Variants in C2orf78 observed in about 807,000 individuals in gnomAD.
The protein encoded by C2orf78 is uncharacterized protein C2orf78.
Under a neutral mutation model 21.4 loss-of-function variants are expected in C2orf78, and 12 were observed. The ratio of observed to expected loss-of-function variants is 0.56; its 90% confidence interval spans 0.36 to 0.91. The LOEUF (loss-of-function observed/expected upper bound fraction) is 0.91. C2orf78 is among the 40% of genes least tolerant of loss of function. The probability of loss-of-function intolerance (pLI) is 0.01; values close to 1 mark genes in which losing one functional copy is unlikely to be tolerated. For synonymous variants in C2orf78, 396 were observed against 413.9 expected (o/e 0.96, Z 0.52); for missense variants, 1,042 against 1,092.4 (o/e 0.95, Z 0.65).
chr2:73,810,949 T>C (rs1425275510), intron 1 of C2orf78, among the ~76,000 whole-genome samples: 2 of 143,326 alleles, frequency 1.4e-5, no homozygotes, highest in South Asian at 2.1e-4. Flanking sequence ...GTATGTTATA[T>C]ATAATATACA....
At chr2:73,816,274 C>A (rs756767934) in exon 3 of C2orf78, 1 of 1,613,806 alleles carries the variant, frequency 6.2e-7, no homozygotes, top group South Asian at 1.1e-5. Context: ...GGTAAAGGCC[C>A]GGAGAAAATT....
chr2:73,810,075 G>A (rs1370713231), intron 1 of C2orf78, among the ~76,000 whole-genome samples: 12 of 152,102 alleles, frequency 7.9e-5, no homozygotes, highest in Admixed American at 7.9e-4. Context: ...AATGAAGTTG[G>A]TTTTAGCAAA....
At chr2:73,814,367 T>A in intron 2 of C2orf78, 141 bp downstream of exon 2, 2 of 925,496 alleles carry the variant, frequency 2.2e-6, no homozygotes, top group Non-Finnish European at 3.2e-6. Context: ...GTGCTCTCCA[T>A]TTTCAGACTC....
rs1030342373 is a variant in C2orf78 at position 73,814,102 on chromosome 2, C to T, written c.723C>T (p.Ala241=). 3.7e-6 allele frequency: 6 copies of T among 1,612,908 alleles called. No individual in the cohort carries two copies. In the East Asian group the frequency reaches 6.7e-5, roughly 18 times the overall value. Residue 241 remains alanine, a synonymous_variant, in exon 2 of 3, where the codon GCC becomes GCT. Coordinates refer to ENST00000409561, the Ensembl canonical transcript of C2orf78. ...CATACACAGGATATAGGGCTTCTGC[C>T]CATCAACCAGAAATGGTGATGGTGC...
exon 3 of C2orf78, chr2:73,816,506 A>G (rs369643067): frequency 1.8e-5 from 29 of 1,613,810 alleles, no homozygotes; most frequent in East Asian, 1.1e-4. Context: ...ACTCAGCTCA[A>G]TCGAATGCAG....
chr2:73,814,248 G>A (rs1673148885), intron 2 of C2orf78, 22 bp downstream of exon 2: 2 of 1,535,660 alleles, frequency 1.3e-6, no homozygotes, highest in South Asian at 1.3e-5. Context: ...CATCAAGAAA[G>A]GAGAGGAATA....
rs1352106329 is a variant in C2orf78, at chr2:73,817,088, A to T, written c.*96A>T. On this transcript the variant is annotated 3_prime_UTR_variant, in exon 3 of 3. Transcript: ENST00000409561. ...TATTCTGATATATTTTTAAAACATAATAAAGAAATGTAATAGAATTGATTA... is the reference window on the plus strand; with the variant it reads ...TATTCTGATATATTTTTAAAACATATTAAAGAAATGTAATAGAATTGATTA... 16 of 1,314,040 alleles carry T rather than the reference A, an allele frequency of 1.2e-5. No individual in the cohort carries two copies. In the South Asian group the frequency reaches 3.0e-4, roughly 24 times the overall value. The allele number at this position is 1,314,040 out of a possible 1,614,324, so 81.4% of individuals were successfully genotyped here.
In C2orf78 at chr2:73,815,068, T is replaced by C. The variant is rs553660442; in HGVS notation, c.848-3T>C. 1.5e-4 allele frequency: 249 copies of C among 1,606,450 alleles called. No homozygotes were observed. The South Asian group carries it at 2.5e-3, about 16-fold the overall frequency. On this transcript the variant is annotated splice_region_variant and splice_polypyrimidine_tract_variant and intron_variant, in intron 2 of 2. Coordinates refer to ENST00000409561, the Ensembl canonical transcript of C2orf78. ...ACTGACTTCTTCCTTGATTCCTTTG[T>C]AGTGATGGAAACTTCCCTGGGGATG... is the stretch of plus-strand genomic sequence containing the variant.
chr2:73,807,903 C>G (rs192395974), intron 1 of C2orf78, among the ~76,000 whole-genome samples: 30 of 150,394 alleles, frequency 2.0e-4, no homozygotes, highest in Admixed American at 1.2e-3. Context: ...GGGCAATCAA[C>G]AAACTTTGCT....
At chr2:73,812,302 T>C (rs1478871859) in intron 1 of C2orf78, among the ~76,000 whole-genome samples, 2 of 152,230 alleles carry the variant, frequency 1.3e-5, no homozygotes, top group Non-Finnish European at 2.9e-5. Flanking sequence ...TTTTCATTAA[T>C]ATCTATATAT....
intron 1 of C2orf78, among the ~76,000 whole-genome samples, chr2:73,810,546 T>C (rs1456057105): frequency 1.4e-5 from 2 of 141,878 alleles, no homozygotes; most frequent in African/African-American, 2.6e-5. Flanking sequence ...AATATATATA[T>C]ATATATACAT....
intron 2 of C2orf78, among the ~76,000 whole-genome samples, 179 bp from the exon 3 acceptor site, chr2:73,814,892 G>T (rs1397314860): frequency 6.6e-6 from 1 of 152,194 alleles, no homozygotes; most frequent in African/African-American, 2.4e-5. Flanking sequence ...CACATCAAAT[G>T]ATAACCAGTA....
exon 3 of C2orf78, chr2:73,816,831 C>T: frequency 6.2e-7 from 1 of 1,614,004 alleles, no homozygotes; most frequent in Non-Finnish European, 8.5e-7. Flanking sequence ...AATGTCAACG[C>T]CCATCACAGA....
chr2:73,812,865 T>C (rs367887409), intron 1 of C2orf78, among the ~76,000 whole-genome samples: 1 of 152,174 alleles, frequency 6.6e-6, no homozygotes, highest in Non-Finnish European at 1.5e-5. Context: ...GGACATATCA[T>C]ATGACCTGCA....
Position 73,815,623 on chromosome 2 carries a change from A to G in C2orf78, c.1400A>G (p.Glu467Gly). 3 of 1,613,994 alleles carry G rather than the reference A, an allele frequency of 1.9e-6. No individual in the cohort carries two copies. The East Asian group carries it at 6.7e-5, about 36-fold the overall frequency. ...TCCTTACAAGATCTTGACCAACCTG[A>G]AAGTCCCTCAGCAAAGAAAGCCAAA... The change falls in exon 3 of 3, where the codon GAA becomes GGA. Residue 467 changes from glutamate to glycine, a missense_variant. Coordinates refer to ENST00000409561, the Ensembl canonical transcript of C2orf78.
chr2:73,816,379 T>C (rs2103996237), exon 3 of C2orf78: 1 of 1,613,882 alleles, frequency 6.2e-7, no homozygotes, highest in East Asian at 2.2e-5. Flanking sequence ...GTCAAGTTGA[T>C]ACCTTTGCCC....
rs535157811 is a variant in C2orf78 at position 73,811,365 on chromosome 2, T to C, written c.98-2112T>C. 2.6e-4 allele frequency among the ~76,000 whole-genome samples: 40 copies of C among 152,216 alleles called. 2 individuals carry two copies. In the East Asian group the frequency reaches 7.7e-3, roughly 29 times the overall value. On this transcript the variant is annotated intron_variant, in intron 1 of 2. Coordinates refer to ENST00000409561, the Ensembl canonical transcript of C2orf78. ...TGGTTACCTAGAGAGCTGGAGGACATGTAATTTGCAGTGTGCTGTTTCTAA... is the reference window on the plus strand; with the variant it reads ...TGGTTACCTAGAGAGCTGGAGGACACGTAATTTGCAGTGTGCTGTTTCTAA...
At chr2:73,817,085 A>C in exon 3 of C2orf78, 1 of 1,325,168 alleles carries the variant, frequency 7.5e-7, no homozygotes, top group South Asian at 1.8e-5. Flanking sequence ...TTTTTAAAAC[A>C]TAATAAAGAA....
chr2:73,811,709 A>C (rs1014837010), intron 1 of C2orf78, among the ~76,000 whole-genome samples: 2 of 152,068 alleles, frequency 1.3e-5, no homozygotes, highest in African/African-American at 4.8e-5. Context: ...GGATTCTAGC[A>C]GTTGTTTTTT....
Sources: allele counts gnomAD v4.1 joint callset (sites outside exome capture counted in the v4.1 genomes callset), GRCh38; gene constraint gnomAD v4.1.1; transcripts MANE v1.5; gene names NCBI Gene and HGNC (gene_info 2026-07-23, HGNC 2026-07-21).